The following MYO16 variants were observed in gnomAD, a reference collection of about 807,000 sequenced individuals.
The protein encoded by MYO16 is myosin XVI.
Under a neutral mutation model 205.3 loss-of-function variants are expected in MYO16, and 94 were observed. That is an observed-to-expected ratio of 0.46 (90% CI 0.39 to 0.54). The LOEUF is 0.54. Ranked by LOEUF, MYO16 falls within the 20% of genes least tolerant of loss-of-function variation. MYO16 has a pLI of 0.00. For missense variants in MYO16, 2,315 were observed against 2,387.5 expected (o/e 0.97, Z 0.63); for synonymous variants, 988 against 954.0 (o/e 1.04, Z -0.66).
chr13:108,684,770 C>G (rs1882605009), intron 2 of MYO16, among the ~76,000 whole-genome samples: 1 of 152,126 alleles, frequency 6.6e-6, no homozygotes, highest in Non-Finnish European at 1.5e-5. Flanking sequence ...TCCATAAAAA[C>G]CTCTGAACTA....
intron 10 of MYO16, 122 bp from the exon 11 acceptor site, chr13:108,855,320 TA>T (rs1878111112): frequency 2.3e-6 from 1 of 442,906 alleles, no homozygotes; most frequent in East Asian, 3.5e-5. Flanking sequence ...CATCTCTTAA[TA>T]ACAGTTCCTA....
intron 16 of MYO16, among the ~76,000 whole-genome samples, chr13:108,919,430 T>A (rs546190920): frequency 6.6e-6 from 1 of 152,366 alleles, no homozygotes; most frequent in African/African-American, 2.4e-5. Context: ...TGCAGTCTGC[T>A]TGATGACGCA....
At chr13:108,545,151 G>T in the MYO16 span, among the ~76,000 whole-genome samples, 4 of 151,968 alleles carry the variant, frequency 2.6e-5, no homozygotes, top group Admixed American at 2.6e-4. Flanking sequence ...ACGCTCACCT[G>T]CCTCCCATCC....
chr13:108,604,581 T>A (rs147905724), intron 1 of MYO16, among the ~76,000 whole-genome samples: 1 of 152,318 alleles, frequency 6.6e-6, no homozygotes, highest in Non-Finnish European at 1.5e-5. Flanking sequence ...GCTCAAATAT[T>A]AACATTGAAG....
intron 2 of MYO16, among the ~76,000 whole-genome samples, chr13:108,678,486 G>A (rs543792153): frequency 5.9e-5 from 9 of 152,132 alleles, no homozygotes; most frequent in Middle Eastern, 3.4e-3. Context: ...TCATGAGTTC[G>A]AACTTCTCTC....
chr13:108,764,573 T>C (rs1282939639), intron 4 of MYO16, among the ~76,000 whole-genome samples: 1 of 152,130 alleles, frequency 6.6e-6, no homozygotes, highest in Non-Finnish European at 1.5e-5. Flanking sequence ...GTGGTACGTA[T>C]CAGGGGAGAT....
At chr13:108,986,720 T>C (rs1321628982) in intron 20 of MYO16, among the ~76,000 whole-genome samples, 1 of 152,096 alleles carries the variant, frequency 6.6e-6, no homozygotes, top group Non-Finnish European at 1.5e-5. Context: ...TGTTATTATG[T>C]ATACTCTTCT....
chr13:108,576,860 A>C, the MYO16 span, among the ~76,000 whole-genome samples: 1 of 152,080 alleles, frequency 6.6e-6, no homozygotes, highest in Non-Finnish European at 1.5e-5. Context: ...TCCTGGACTC[A>C]AGTGATCCTT....
chr13:108,594,964 G>A (rs1878504050), upstream of MYO16, among the ~76,000 whole-genome samples: 1 of 152,150 alleles, frequency 6.6e-6, no homozygotes, highest in African/African-American at 2.4e-5. Context: ...CATCAGTTAT[G>A]GATAACTTTT....
intron 19 of MYO16, among the ~76,000 whole-genome samples, chr13:108,963,121 A>C (rs888187344): frequency 1.5e-4 from 23 of 152,210 alleles, no homozygotes; most frequent in African/African-American, 5.5e-4. Flanking sequence ...TCAGTGAACA[A>C]AGAGAGTGGT....
At chr13:108,948,983 A>G (rs187722644) in intron 16 of MYO16, among the ~76,000 whole-genome samples, 2 of 152,344 alleles carry the variant, frequency 1.3e-5, no homozygotes, top group East Asian at 1.9e-4. Flanking sequence ...TGTCAGGACA[A>G]TAAACAAGTT....
At chr13:108,658,446 G>GTA (rs1056000945) in intron 1 of MYO16, among the ~76,000 whole-genome samples, 12 of 151,262 alleles carry the variant, frequency 7.9e-5, no homozygotes. Flanking sequence ...GTGTGTGTGT[G>GTA]TGTGTGTGTG....
intron 2 of MYO16, among the ~76,000 whole-genome samples, chr13:108,668,729 C>T (rs1009434442): frequency 6.6e-6 from 1 of 152,148 alleles, no homozygotes; most frequent in African/African-American, 2.4e-5. Context: ...CCTCTTGCAC[C>T]TTTAGGGGCC....
At chr13:108,659,306 C>G in intron 1 of MYO16, 1 of 246,004 alleles carries the variant, frequency 4.1e-6, no homozygotes, top group South Asian at 5.0e-5. Context: ...ATATTATATA[C>G]ATATATAATA....
At chr13:108,744,847 T>A (rs1367973921) in intron 4 of MYO16, among the ~76,000 whole-genome samples, 1 of 152,234 alleles carries the variant, frequency 6.6e-6, no homozygotes, top group Non-Finnish European at 1.5e-5. Flanking sequence ...GACAAGAGCC[T>A]TTTGGTTTTT....
At chr13:108,797,283 G>A (rs1232042260) in intron 6 of MYO16, among the ~76,000 whole-genome samples, 1 of 152,216 alleles carries the variant, frequency 6.6e-6, no homozygotes, top group East Asian at 1.9e-4. Context: ...GGACATTGGA[G>A]TCTGGAACTC....
intron 23 of MYO16, among the ~76,000 whole-genome samples, chr13:109,040,726 A>G (rs1479099956): frequency 6.6e-6 from 1 of 152,166 alleles, no homozygotes; most frequent in Non-Finnish European, 1.5e-5. Context: ...GAACTTGATA[A>G]AGAGTTTCTA....
At chr13:109,056,483 A>C (rs1664017046) in intron 27 of MYO16, among the ~76,000 whole-genome samples, 1 of 152,208 alleles carries the variant, frequency 6.6e-6, no homozygotes, top group Non-Finnish European at 1.5e-5. Flanking sequence ...GTAGTAACTT[A>C]ATTTACAGAT....
intron 9 of MYO16, among the ~76,000 whole-genome samples, chr13:108,843,066 A>G (rs1877329376): frequency 6.6e-6 from 1 of 151,986 alleles, no homozygotes; most frequent in South Asian, 2.1e-4. Flanking sequence ...ACAGAAGCAG[A>G]GAGTAGAACC....
Sources: gnomAD v4.1 joint callset for allele counts (sites outside exome capture counted in the v4.1 genomes callset) on GRCh38, gnomAD v4.1.1 for gene constraint, MANE v1.5 for transcripts, NCBI Gene and HGNC (gene_info 2026-07-23, HGNC 2026-07-21) for gene names.